EPB41L2: variants seen among roughly 807,000 people sequenced by gnomAD.
The protein encoded by EPB41L2 is band 4.1-like protein 2.
In EPB41L2, 43 loss-of-function variants were observed where a neutral mutation model predicts 113.0. The ratio of observed to expected loss-of-function variants is 0.38; its 90% CI spans 0.30 to 0.49. The LOEUF is 0.49. Ranked by LOEUF, EPB41L2 falls within the 20% of genes least tolerant of loss-of-function variation. EPB41L2 has a pLI of 0.95. For missense variants in EPB41L2, 1,147 were observed against 1,223.4 expected (o/e 0.94, Z 0.93); for synonymous variants, 442 against 436.7 (o/e 1.01, Z -0.15).
chr6:130,997,865 T>C (rs766373416), intron 1 of EPB41L2, among the ~76,000 whole-genome samples: 3 of 152,164 alleles, frequency 2.0e-5, no homozygotes, highest in Non-Finnish European at 2.9e-5. Context: ...CATTATTGTA[T>C]ATAAGAGCAC....
At chr6:130,997,003 T>C (rs191446823) in intron 1 of EPB41L2, among the ~76,000 whole-genome samples, 1 of 152,342 alleles carries the variant, frequency 6.6e-6, no homozygotes. Flanking sequence ...AGCAAAGTTA[T>C]AATAAATTGG....
intron 1 of EPB41L2, among the ~76,000 whole-genome samples, chr6:131,032,279 A>G (rs981705457): frequency 1.3e-5 from 2 of 152,116 alleles, no homozygotes; most frequent in Non-Finnish European, 2.9e-5. Context: ...CAGTTTTTTC[A>G]TCCCTAAAAT....
intron 19 of EPB41L2, among the ~76,000 whole-genome samples, chr6:130,853,809 AG>A (rs1562297332): frequency 6.6e-6 from 1 of 152,214 alleles, no homozygotes; most frequent in African/African-American, 2.4e-5. Context: ...GATACATTGC[AG>A]ACAGTTCCCC....
chr6:130,862,604 A>G (rs999024969), intron 18 of EPB41L2, among the ~76,000 whole-genome samples: 8 of 152,246 alleles, frequency 5.3e-5, no homozygotes, highest in African/African-American at 1.9e-4. Context: ...CCTATGTCCT[A>G]TGTCAAAATC....
At chr6:130,853,639 C>T (rs1779388242) in intron 19 of EPB41L2, among the ~76,000 whole-genome samples, 1 of 152,146 alleles carries the variant, frequency 6.6e-6, no homozygotes, top group East Asian at 1.9e-4. Context: ...GAAAGGTGGA[C>T]TTGGGAGGTT....
At chr6:130,920,126 C>T (rs549854079) in intron 4 of EPB41L2, among the ~76,000 whole-genome samples, 1 of 152,304 alleles carries the variant, frequency 6.6e-6, no homozygotes, top group East Asian at 1.9e-4. Context: ...CTTGGGTTTT[C>T]TCATAGCTAA....
At chr6:130,853,237 C>G (rs1216571302) in intron 19 of EPB41L2, among the ~76,000 whole-genome samples, 2 of 152,176 alleles carry the variant, frequency 1.3e-5, no homozygotes, top group Non-Finnish European at 2.9e-5. Context: ...TTTGGATGAA[C>G]AGGAGGCTTC....
At chr6:130,853,650 C>T (rs1006376408) in intron 19 of EPB41L2, among the ~76,000 whole-genome samples, 1 of 152,136 alleles carries the variant, frequency 6.6e-6, no homozygotes, top group Non-Finnish European at 1.5e-5. Context: ...TTGGGAGGTT[C>T]GTCCTCTGCA....
intron 14 of EPB41L2, among the ~76,000 whole-genome samples, chr6:130,875,793 C>T (rs570835238): frequency 1.3e-4 from 20 of 151,954 alleles, no homozygotes; most frequent in Non-Finnish European, 2.1e-4. Flanking sequence ...GGTCAGGAGT[C>T]AAGACCAGTC....
intron 1 of EPB41L2, among the ~76,000 whole-genome samples, chr6:131,025,082 C>T (rs1790547788): frequency 6.6e-6 from 1 of 151,668 alleles, no homozygotes; most frequent in Non-Finnish European, 1.5e-5. Flanking sequence ...TTTTAGATTG[C>T]TTTTATATAA....
Position 130,885,274 on chromosome 6 carries a change from A to T in EPB41L2, c.1661-6T>A. 2 of 1,614,050 alleles carry T rather than the reference A, an allele frequency of 1.2e-6. No individual in the cohort carries two copies. The highest frequency in any genetic ancestry group is 2.2e-5 in the South Asian group (2 of 91,080). ...GTCCATGACACCAATCGGAGCTAGT[A>T]AAGAGTGACAATTTTGGATTATTTT... On this transcript the variant is annotated splice_polypyrimidine_tract_variant and splice_region_variant and intron_variant, in intron 11 of 19. Transcript: ENST00000337057.
intron 1 of EPB41L2, among the ~76,000 whole-genome samples, chr6:131,045,972 T>C (rs1258156651): frequency 3.3e-5 from 5 of 149,846 alleles, no homozygotes; most frequent in Non-Finnish European, 1.5e-5. Context: ...TTTGAGATAG[T>C]GTGTGACTCT....
chr6:131,054,943 G>GA (rs1426313387), intron 1 of EPB41L2, among the ~76,000 whole-genome samples: 1 of 152,222 alleles, frequency 6.6e-6, no homozygotes, highest in Admixed American at 6.5e-5. Flanking sequence ...CTAATCACAA[G>GA]AAACACTGTG....
At chr6:130,966,069 GA>G (rs1213575548) in intron 1 of EPB41L2, among the ~76,000 whole-genome samples, 1 of 151,936 alleles carries the variant, frequency 6.6e-6, no homozygotes, top group Non-Finnish European at 1.5e-5. Context: ...AATGATCTAA[GA>G]AAGTTTACAA....
At chr6:130,884,960 T>C in intron 12 of EPB41L2, 136 bp downstream of exon 12, 1 of 987,080 alleles carries the variant, frequency 1.0e-6, no homozygotes. Flanking sequence ...ACTATGCATA[T>C]TTGAAAACAT....
At position 130,901,132 on chromosome 6, in the gene EPB41L2, C is replaced by G. The variant is rs1012758497; in HGVS notation, c.978G>C (p.Leu326=). 1.9e-6 allele frequency: 3 copies of G among 1,613,922 alleles called. No individual in the cohort carries two copies. In the African/African-American group the frequency reaches 4.0e-5, roughly 22 times the overall value. ...QLRQDIASGR[L]PCSFVTHALL... The stretch of plus-strand genomic sequence containing the variant: ...GAGCATGAGTCACAAAAGAGCAGGG[C>G]AGGCGGCCAGAGGCAATGTCCTGCC... Residue 326 remains leucine (L), a synonymous_variant, in exon 7 of 20, where the codon CTG becomes CTC. Coordinates refer to ENST00000337057, the MANE Select transcript of EPB41L2 (RefSeq NM_001431.4).
chr6:130,958,889 TAA>T (rs1042515650), intron 1 of EPB41L2, among the ~76,000 whole-genome samples: 32 of 152,180 alleles, frequency 2.1e-4, no homozygotes, highest in African/African-American at 7.7e-4. Context: ...AGAAATGTAA[TAA>T]GATTCTCATT....
At chr6:131,052,051 C>T (rs1301520327) in intron 1 of EPB41L2, among the ~76,000 whole-genome samples, 5 of 152,022 alleles carry the variant, frequency 3.3e-5, no homozygotes, top group Admixed American at 3.3e-4. Flanking sequence ...ATTCTCCTGC[C>T]TCAGCCTGCC....
intron 1 of EPB41L2, among the ~76,000 whole-genome samples, chr6:131,047,097 G>GT: frequency 6.6e-6 from 1 of 152,278 alleles, no homozygotes; most frequent in East Asian, 1.9e-4. Context: ...CAGTGCCTCA[G>GT]TTTTCTTATA....
Sources: allele counts gnomAD v4.1 joint callset (sites outside exome capture counted in the v4.1 genomes callset), GRCh38; gene constraint gnomAD v4.1.1; transcripts MANE v1.5; gene names NCBI Gene and HGNC (gene_info 2026-07-23, HGNC 2026-07-21).